ALDH7A1: variants seen among roughly 807,000 people sequenced by gnomAD.
ALDH7A1 encodes aldehyde dehydrogenase 7 family member A1.
Under a neutral mutation model 79.9 loss-of-function variants are expected in ALDH7A1, and 63 were observed. That is an observed-to-expected ratio of 0.79 (90% CI 0.64 to 0.97). ALDH7A1 has a LOEUF of 0.97. ALDH7A1 is among the 50% of genes least tolerant of loss of function. The pLI, the probability that ALDH7A1 is intolerant of heterozygous loss-of-function variation, is 0.00. For synonymous variants in ALDH7A1, 240 were observed against 231.2 expected, an observed-to-expected ratio of 1.04 and a Z score of -0.34; for missense variants, 627 against 665.2, an observed-to-expected ratio of 0.94 and a Z score of 0.63.
intron 13 of ALDH7A1, among the ~76,000 whole-genome samples, chr5:126,552,723 T>G (rs1198581378): frequency 2.0e-5 from 3 of 149,732 alleles, no homozygotes; most frequent in Non-Finnish European, 4.4e-5. Flanking sequence ...ATGTGGGGGG[T>G]TTTTTGTTTT....
intron 1 of ALDH7A1, chr5:126,594,438 AT>A (rs34684581): frequency 0.11 from 20,211 of 184,932 alleles, 202 homozygotes; most frequent in East Asian, 0.16. Context: ...TAAGGTTTTA[AT>A]TTTTTTTTTT....
chr5:126,546,304 T>G lies in ALDH7A1; in HGVS notation c.1565+20A>C. On this transcript the variant is annotated intron_variant, in intron 17 of 17. Coordinates refer to ENST00000409134, the MANE Select transcript of ALDH7A1 (RefSeq NM_001182.5). ...CAAGGGTTTTAAGCCCAAACCTATC[T>G]TCCCAAAGCCTTTTCTTACCAAGTA... 6.2e-7 allele frequency: 1 copy of G among 1,613,424 alleles called. No individual in the cohort carries two copies. Among genetic ancestry groups the G allele is most frequent in the Non-Finnish European group, 8.5e-7 (1 of 1,179,334 alleles).
intron 3 of ALDH7A1, chr5:126,592,305 G>A (rs1233517545): frequency 3.9e-6 from 1 of 259,618 alleles, no homozygotes; most frequent in Non-Finnish European, 7.4e-6. Flanking sequence ...GGGGATAGAG[G>A]AGGAGCAAAC....
intron 12 of ALDH7A1, chr5:126,554,840 G>A: frequency 3.5e-6 from 1 of 286,212 alleles, no homozygotes; most frequent in Non-Finnish European, 6.7e-6. Flanking sequence ...AATTCAAGGG[G>A]GAAGAGAATG....
At position 126,544,384 on chromosome 5, in the gene ALDH7A1, C is replaced by G. The variant is rs1256402910; in HGVS notation, c.*581G>C. On this transcript the variant is annotated 3_prime_UTR_variant, in exon 18 of 18. Coordinates refer to ENST00000409134, the MANE Select transcript of ALDH7A1 (RefSeq NM_001182.5). ...AGAAATCTCTTCCAAGTTGACACAG[C>G]CTTCATAAGCAAGAGCCATAACTGT... 2 of 155,818 alleles carry G rather than the reference C, an allele frequency of 1.3e-5. No homozygotes were observed. Among genetic ancestry groups the G allele is most frequent in the East Asian group, 3.8e-4 (2 of 5,308 alleles). The allele number at this position is 155,818 out of a possible 1,614,324, so 9.7% of individuals were successfully genotyped here. A position where few individuals can be genotyped will look rare whatever the true frequency, so the allele number is the denominator to read the frequency against.
intron 16 of ALDH7A1, among the ~76,000 whole-genome samples, chr5:126,548,438 T>TG (rs957168211): frequency 6.6e-6 from 1 of 151,038 alleles, no homozygotes; most frequent in African/African-American, 2.4e-5. Context: ...TTTTTTTTTT[T>TG]GCGGGGGAAG....
intron 3 of ALDH7A1, chr5:126,586,123 T>C (rs764832940): frequency 3.9e-5 from 6 of 152,222 alleles, no homozygotes; most frequent in Non-Finnish European, 8.8e-5. Context: ...GAGCAACATA[T>C]ACCAAGCTGT....
At chr5:126,594,264 C>T (rs1193002590) in intron 1 of ALDH7A1, 2 of 470,922 alleles carry the variant, frequency 4.2e-6, no homozygotes, top group African/African-American at 4.0e-5. Flanking sequence ...TCCAAGCTTG[C>T]AAACTCCCAA....
intron 16 of ALDH7A1, among the ~76,000 whole-genome samples, chr5:126,548,653 C>T (rs1283609946): frequency 2.0e-5 from 3 of 152,006 alleles, no homozygotes; most frequent in Non-Finnish European, 4.4e-5. Flanking sequence ...TCTTGAACTC[C>T]TGAGCTCAAG....
At chr5:126,584,224 GA>G in intron 3 of ALDH7A1, 1 of 539,830 alleles carries the variant, frequency 1.9e-6, no homozygotes, top group African/African-American at 1.9e-5. Context: ...CAGAGGAGAA[GA>G]AAAGGCAACA....
At chr5:126,546,876 G>A (rs1275840638) in intron 16 of ALDH7A1, among the ~76,000 whole-genome samples, 2 of 152,190 alleles carry the variant, frequency 1.3e-5, no homozygotes, top group African/African-American at 4.8e-5. Context: ...TAACAATTTT[G>A]AAATAAAAGC....
At chr5:126,555,738 A>G (rs756362010) in intron 12 of ALDH7A1, among the ~76,000 whole-genome samples, 193 bp downstream of exon 12, 9 of 152,086 alleles carry the variant, frequency 5.9e-5, no homozygotes, top group Non-Finnish European at 1.2e-4. Context: ...TCCCAGTCTC[A>G]CCCACTAGCA....
At position 126,592,298 on chromosome 5, in the gene ALDH7A1, G is replaced by A. The variant is rs537982786; in HGVS notation, c.312+366C>T. On this transcript the variant is annotated intron_variant, in intron 3 of 17. Transcript: ENST00000409134. ...TACTCCCAGACAAATCTGGCAGGGG[G>A]ATAGAGGAGGAGCAAACAAATATTT... The A allele has an allele frequency of 4.0e-5, 10 of 251,074 alleles. No homozygotes were observed. The South Asian group carries it at 5.2e-4, about 13-fold the overall frequency. 15.6% of individuals were successfully genotyped at this position (251,074 alleles called of 1,614,324 possible).
chr5:126,594,437 A>AT, intron 1 of ALDH7A1: 7 of 243,186 alleles, frequency 2.9e-5, no homozygotes, highest in East Asian at 2.4e-4. Context: ...ATAAGGTTTT[A>AT]ATTTTTTTTT....
intron 16 of ALDH7A1, among the ~76,000 whole-genome samples, chr5:126,547,657 CA>C (rs1403785202): frequency 6.6e-6 from 1 of 152,138 alleles, no homozygotes; most frequent in Non-Finnish European, 1.5e-5. Flanking sequence ...AATAGAGGGT[CA>C]ATACATAATG....
intron 12 of ALDH7A1, 133 bp from the exon 13 acceptor site, chr5:126,554,526 T>C: frequency 1.4e-6 from 1 of 740,642 alleles, no homozygotes. Context: ...GTCAGCATCC[T>C]TTTTCCATAA....
intron 7 of ALDH7A1, among the ~76,000 whole-genome samples, chr5:126,573,944 C>A (rs142269488): frequency 2.1e-5 from 3 of 142,584 alleles, no homozygotes; most frequent in African/African-American, 8.1e-5. Flanking sequence ...ACATGAGAAT[C>A]TCTTGAACCC....
At chr5:126,568,949 A>T (rs1280961717) in intron 8 of ALDH7A1, 1 of 154,710 alleles carries the variant, frequency 6.5e-6, no homozygotes. Context: ...AATAAAAAAT[A>T]AAAGAATTCA....
In ALDH7A1 at chr5:126,593,175, C is replaced by T. The variant is rs554174215; in HGVS notation, c.246+176G>A. Among the ~76,000 whole-genome samples the T allele has an allele frequency of 6.4e-4, 98 of 152,288 alleles. 1 individual carries two copies. The highest frequency in any genetic ancestry group is 1.8e-4 in the Non-Finnish European group (12 of 68,022). On this transcript the variant is annotated intron_variant, in intron 2 of 17. Coordinates refer to ENST00000409134, the MANE Select transcript of ALDH7A1 (RefSeq NM_001182.5). ...CCAAGAGAGGACAGTCTCCCCCAGA[C>T]AGTCCTAAATGACAAATGAAAAATA... is the stretch of plus-strand genomic sequence containing the variant.
Sources: allele counts gnomAD v4.1 joint callset (sites outside exome capture counted in the v4.1 genomes callset), GRCh38; gene constraint gnomAD v4.1.1; transcripts MANE v1.5; gene names NCBI Gene and HGNC (gene_info 2026-07-23, HGNC 2026-07-21).